The following CDC25A variants were observed in gnomAD, a reference collection of about 807,000 sequenced individuals.
CDC25A encodes M-phase inducer phosphatase 1.
Under a neutral mutation model 64.6 loss-of-function variants are expected in CDC25A, and 17 were observed. The observed-to-expected ratio is 0.26, with a 90% CI of 0.18 to 0.39. The LOEUF (loss-of-function observed/expected upper bound fraction) is 0.39, where lower values mean the gene tolerates loss of function less well. Ranked by LOEUF, CDC25A falls within the 10% of genes least tolerant of loss-of-function variation. The probability of loss-of-function intolerance (pLI) is 1.00; values close to 1 mark genes in which losing one functional copy is unlikely to be tolerated. For missense variants in CDC25A, 473 were observed against 654.8 expected, an observed-to-expected ratio of 0.72 and a Z score of 3.03; for synonymous variants, 229 against 238.6, an observed-to-expected ratio of 0.96 and a Z score of 0.37.
At chr3:48,176,558 T>A (rs1012208668) in intron 8 of CDC25A, among the ~76,000 whole-genome samples, 6 of 134,650 alleles carry the variant, frequency 4.5e-5, no homozygotes, top group African/African-American at 1.4e-4. Context: ...TATATATATA[T>A]AAAATATATA....
At chr3:48,167,050 T>C (rs780395557) in intron 10 of CDC25A, among the ~76,000 whole-genome samples, 44 of 152,092 alleles carry the variant, frequency 2.9e-4, no homozygotes, top group Admixed American at 2.2e-3. Context: ...CCCAACCCCC[T>C]AGCCAAGATA....
intron 9 of CDC25A, among the ~76,000 whole-genome samples, chr3:48,170,689 C>T (rs537843546): frequency 6.6e-6 from 1 of 152,250 alleles, no homozygotes; most frequent in African/African-American, 2.4e-5. Context: ...CTCTCCTTTC[C>T]GTAGATATTG....
intron 9 of CDC25A, among the ~76,000 whole-genome samples, chr3:48,169,422 C>T (rs1215588836): frequency 6.6e-6 from 1 of 152,142 alleles, no homozygotes; most frequent in Non-Finnish European, 1.5e-5. Context: ...GAATTCAATC[C>T]ATCCTTTCCA....
rs1442383723 is a variant in CDC25A, at chr3:48,157,596, A to C, written c.*1349T>G. On this transcript the variant is annotated 3_prime_UTR_variant, in exon 15 of 15. Transcript: ENST00000302506. ...TAGGCACTGAAACAGGTCTCTCTAG[A>C]ATCAATGAAGTCTGCCCCAGCTCCT... The C allele has an allele frequency of 1.3e-5, 2 of 152,626 alleles. No homozygotes were observed. The highest frequency in any genetic ancestry group is 2.9e-5 in the Non-Finnish European group (2 of 68,030). 9.5% of individuals were successfully genotyped at this position (152,626 alleles called of 1,614,324 possible). A position where few individuals can be genotyped will look rare whatever the true frequency, so the allele number is the denominator to read the frequency against.
intron 10 of CDC25A, among the ~76,000 whole-genome samples, chr3:48,166,249 C>G (rs576962819): frequency 1.3e-5 from 2 of 152,288 alleles, no homozygotes; most frequent in African/African-American, 4.8e-5. Flanking sequence ...CACCACTGCA[C>G]TCCAGCCTGG....
intron 9 of CDC25A, among the ~76,000 whole-genome samples, chr3:48,168,377 C>T (rs1301203557): frequency 6.9e-6 from 1 of 145,616 alleles, no homozygotes; most frequent in African/African-American, 2.7e-5. Flanking sequence ...CACACACACA[C>T]ACACACACAC....
chr3:48,170,370 T>C (rs2032222887), intron 9 of CDC25A, among the ~76,000 whole-genome samples: 1 of 152,054 alleles, frequency 6.6e-6, no homozygotes, highest in Admixed American at 6.6e-5. Flanking sequence ...TAAGTAGGGG[T>C]TCCCATGACC....
intron 8 of CDC25A, among the ~76,000 whole-genome samples, chr3:48,176,534 TATATATATATATATATATATATATAAA>T (rs2032466256): frequency 7.3e-5 from 1 of 13,768 alleles, no homozygotes; most frequent in Non-Finnish European, 1.3e-4. Flanking sequence ...TGTGTGAGTA[TATATATATATATATATATATATATAAA>T]ATATATATTA....
intron 12 of CDC25A, among the ~76,000 whole-genome samples, chr3:48,164,916 C>T (rs3731551): frequency 2.0e-5 from 3 of 150,384 alleles, no homozygotes; most frequent in Admixed American, 1.3e-4. Context: ...GAGACCAGCC[C>T]GGGCAACATG....
In CDC25A at chr3:48,164,165, A is replaced by G. The variant is rs3731556; in HGVS notation, c.1322+142T>C. The G allele has an allele frequency of 0.012, 8,853 of 710,304 alleles. 559 individuals carry two copies. The African/African-American group carries it at 0.14, about 11-fold the overall frequency. 44.0% of individuals were successfully genotyped at this position (710,304 alleles called of 1,614,324 possible). On this transcript the variant is annotated intron_variant, in intron 13 of 14. Transcript: ENST00000302506. The stretch of plus-strand genomic sequence containing the variant: ...GAGCCAAAGTTCACCTCAGGATAAA[A>G]TTACATATGAAAATGGCTTGTTATG...
chr3:48,157,350 GGAA>G lies in CDC25A; in HGVS notation c.*1592_*1594del, dbSNP rs2031560321. Reference sequence around the variant, plus strand: ...TGGAATCTGTCTCAATGCGCGTGTAGGAAGAAGTCCTCTCCCCCACATTTTTCC... The same window carrying G: ...TGGAATCTGTCTCAATGCGCGTGTAGGAAGTCCTCTCCCCCACATTTTTCC... On this transcript the variant is annotated 3_prime_UTR_variant, in exon 15 of 15. Coordinates refer to ENST00000302506, the MANE Select transcript of CDC25A (RefSeq NM_001789.3). The G allele has an allele frequency of 6.6e-6, 1 of 152,432 alleles. No individual in the cohort carries two copies. The highest frequency in any genetic ancestry group is 2.4e-5 in the African/African-American group (1 of 41,406). The allele number at this position is 152,432 out of a possible 1,614,324, so 9.4% of individuals were successfully genotyped here.
intron 13 of CDC25A, chr3:48,161,123 G>A (rs2031740962): frequency 7.3e-6 from 1 of 136,518 alleles, no homozygotes; most frequent in African/African-American, 2.9e-5. Context: ...CTGCATTCCA[G>A]CCTGGGCGAA....
At chr3:48,169,647 G>A (rs1272971877) in intron 9 of CDC25A, among the ~76,000 whole-genome samples, 1 of 152,196 alleles carries the variant, frequency 6.6e-6, no homozygotes, top group Non-Finnish European at 1.5e-5. Flanking sequence ...CAAATAAACT[G>A]TAAAAGTACT....
chr3:48,166,297 C>A (rs1238315421), intron 10 of CDC25A, among the ~76,000 whole-genome samples: 1 of 152,078 alleles, frequency 6.6e-6, no homozygotes, highest in African/African-American at 2.4e-5. Flanking sequence ...AACAAACAAA[C>A]AAACAAGCAA....
In CDC25A at chr3:48,174,289, G is replaced by C; in HGVS notation, c.925C>G (p.His309Asp). The part of the protein sequence containing the change: ...PKESTNPEKA[H>D]ETLHQSLSLA... Reference sequence around the variant, plus strand: ...AAGGAACCTAGGAAACTAACCTCATGGGCCTTCTCTGGATTAGTTGACTCT... The same window carrying C: ...AAGGAACCTAGGAAACTAACCTCATCGGCCTTCTCTGGATTAGTTGACTCT... Residue 309 changes from histidine to aspartate, a missense_variant, in exon 9 of 15, where the codon CAT becomes GAT. Coordinates refer to ENST00000302506, the MANE Select transcript of CDC25A (RefSeq NM_001789.3). 6.2e-7 allele frequency: 1 copy of C among 1,610,982 alleles called. No individual in the cohort carries two copies. The highest frequency in any genetic ancestry group is 1.1e-5 in the South Asian group (1 of 90,448).
In CDC25A at chr3:48,183,040, TA is replaced by T; in HGVS notation, c.328-11del. 1 of 1,579,040 alleles carries T rather than the reference TA, an allele frequency of 6.3e-7. No homozygotes were observed. The highest frequency in any genetic ancestry group is 8.7e-7 in the Non-Finnish European group (1 of 1,149,998). On this transcript the variant is annotated splice_polypyrimidine_tract_variant and intron_variant, in intron 4 of 14. Coordinates refer to ENST00000302506, the MANE Select transcript of CDC25A (RefSeq NM_001789.3). ...ATCCCAACAGCTTCTGCTATCAAAGTAAAAAAGGAAAATAATTAAGGCACAC... is the reference window on the plus strand; with the variant it reads ...ATCCCAACAGCTTCTGCTATCAAAGTAAAAAGGAAAATAATTAAGGCACAC...
rs2032630138 is a variant in CDC25A, at chr3:48,180,636, G to A, written c.549+85C>T. ...CAAGGTAAAAACAGCTAGTGCTACT[G>A]TAGTGCCTTCAATTCTGGATGAAAG... On this transcript the variant is annotated intron_variant, in intron 6 of 14. Coordinates refer to ENST00000302506, the MANE Select transcript of CDC25A (RefSeq NM_001789.3). The A allele has an allele frequency of 7.0e-6, 10 of 1,426,430 alleles. No homozygotes were observed. In the South Asian group the frequency reaches 9.8e-5, roughly 14 times the overall value. The allele number at this position is 1,426,430 out of a possible 1,614,324, so 88.4% of individuals were successfully genotyped here.
chr3:48,167,585 C>T (rs930678340), intron 10 of CDC25A, among the ~76,000 whole-genome samples: 1 of 152,216 alleles, frequency 6.6e-6, no homozygotes, highest in Non-Finnish European at 1.5e-5. Context: ...AGAGCCTAGT[C>T]TTTGGGTTAC....
In CDC25A at chr3:48,164,559, C is replaced by T; in HGVS notation, c.1192-122G>A. ...CCACAAGACCAGTTTGTGATTTTTG[C>T]AGTTCTTCTAGCTGAATAGCCCAGT... On this transcript the variant is annotated intron_variant, in intron 12 of 14. Coordinates refer to ENST00000302506, the MANE Select transcript of CDC25A (RefSeq NM_001789.3). The T allele has an allele frequency of 7.2e-6, 7 of 977,054 alleles. No individual in the cohort carries two copies. In the South Asian group the frequency reaches 1.5e-4, roughly 21 times the overall value. 60.5% of individuals were successfully genotyped at this position (977,054 alleles called of 1,614,324 possible). A position where few individuals can be genotyped will look rare whatever the true frequency, so the allele number is the denominator to read the frequency against.
Sources: allele counts gnomAD v4.1 joint callset (sites outside exome capture counted in the v4.1 genomes callset), GRCh38; gene constraint gnomAD v4.1.1; transcripts MANE v1.5; gene names NCBI Gene and HGNC (gene_info 2026-07-23, HGNC 2026-07-21).